CPEB1: variants seen among roughly 807,000 people sequenced by gnomAD.
The protein encoded by CPEB1 is cytoplasmic polyadenylation element-binding protein 1.
A neutral mutation model predicts 65.8 loss-of-function variants in CPEB1; 7 were observed. The ratio of observed to expected loss-of-function variants is 0.11; its 90% CI spans 0.06 to 0.20. The LOEUF (loss-of-function observed/expected upper bound fraction) is 0.20. Ranked by LOEUF, CPEB1 falls within the 10% of genes least tolerant of loss-of-function variation. The pLI is 1.00. For synonymous variants in CPEB1, 262 were observed against 260.0 expected (o/e 1.01, Z -0.08); for missense variants, 551 against 712.2 (o/e 0.77, Z 2.58).
At chr15:82,580,946 G>A (rs538986479) in intron 3 of CPEB1, among the ~76,000 whole-genome samples, 1 of 151,616 alleles carries the variant, frequency 6.6e-6, no homozygotes, top group Admixed American at 6.6e-5. Context: ...CAGCCTCCCA[G>A]GATCAAGCAG....
At chr15:82,589,385 C>G (rs2042042690) in intron 3 of CPEB1, among the ~76,000 whole-genome samples, 1 of 152,202 alleles carries the variant, frequency 6.6e-6, no homozygotes, top group African/African-American at 2.4e-5. Flanking sequence ...AATCACTAAC[C>G]CCTGCCCCCA....
At chr15:82,549,727 G>A (rs2035913549) in intron 9 of CPEB1, 69 bp from the exon 10 acceptor site, 6 of 1,451,644 alleles carry the variant, frequency 4.1e-6, no homozygotes, top group Non-Finnish European at 5.8e-6. Flanking sequence ...TGCACGGCAA[G>A]GTACGTGCTC....
chr15:82,630,832 T>C (rs776474762), intron 1 of CPEB1, among the ~76,000 whole-genome samples: 7 of 151,898 alleles, frequency 4.6e-5, no homozygotes, highest in South Asian at 2.1e-4. Flanking sequence ...GGAGAGAAAA[T>C]TGGAAAAGCC....
intron 4 of CPEB1, among the ~76,000 whole-genome samples, chr15:82,566,388 C>A (rs1451779035): frequency 1.3e-5 from 2 of 152,184 alleles, no homozygotes; most frequent in Non-Finnish European, 2.9e-5. Context: ...TCCCTATCAC[C>A]ATCCTTGGTT....
At chr15:82,567,309 G>T (rs2039298015) in intron 4 of CPEB1, among the ~76,000 whole-genome samples, 1 of 152,140 alleles carries the variant, frequency 6.6e-6, no homozygotes, top group Non-Finnish European at 1.5e-5. Context: ...ACAGCACAGG[G>T]AACATTCCAT....
chr15:82,552,686 G>C, intron 8 of CPEB1, 70 bp from the exon 9 acceptor site: 2 of 1,527,536 alleles, frequency 1.3e-6, no homozygotes, highest in South Asian at 2.3e-5. Context: ...TGGCTTTGCA[G>C]CAGGGCGTTT....
intron 3 of CPEB1, among the ~76,000 whole-genome samples, chr15:82,580,406 A>G (rs1449509391): frequency 6.6e-6 from 1 of 152,166 alleles, no homozygotes; most frequent in Non-Finnish European, 1.5e-5. Flanking sequence ...TTTAAAATAG[A>G]TAATAGGTCT....
intron 3 of CPEB1, among the ~76,000 whole-genome samples, chr15:82,586,397 A>G (rs1384269812): frequency 6.6e-6 from 1 of 152,206 alleles, no homozygotes; most frequent in Non-Finnish European, 1.5e-5. Context: ...AGAATACTCT[A>G]AAAATAATTT....
At chr15:82,634,638 G>A (rs1313340008) in intron 1 of CPEB1, among the ~76,000 whole-genome samples, 2 of 152,146 alleles carry the variant, frequency 1.3e-5, no homozygotes, top group Non-Finnish European at 2.9e-5. Flanking sequence ...TCTAAAACTG[G>A]GGTCCCATGG....
rs746400332 is a variant in CPEB1, at chr15:82,557,769, T to G, written c.678A>C (p.Ser226=). 1 of 1,613,432 alleles carries G rather than the reference T, an allele frequency of 6.2e-7. No individual in the cohort carries two copies. The highest frequency in any genetic ancestry group is 2.2e-5 in the East Asian group (1 of 44,868). ...SGFSSGSDHL[S]DLISSLRISP... is the part of the protein sequence containing the mutation. ...CAAATGAGTTACATACAATCAAATCTGAGAGATGATCTGATCCAGAGCTGA... is the reference window on the plus strand; with the variant it reads ...CAAATGAGTTACATACAATCAAATCGGAGAGATGATCTGATCCAGAGCTGA... Residue 226 remains serine (S), a synonymous_variant, in exon 5 of 13, where the codon TCA becomes TCC. Transcript: ENST00000684509.
At chr15:82,562,360 T>C in intron 4 of CPEB1, 1 of 355,582 alleles carries the variant, frequency 2.8e-6, no homozygotes, top group Admixed American at 3.9e-5. Flanking sequence ...AAAATGCATT[T>C]TGGGTCCCAC....
intron 3 of CPEB1, among the ~76,000 whole-genome samples, chr15:82,622,190 C>T (rs1187449594): frequency 1.3e-5 from 2 of 152,114 alleles, no homozygotes; most frequent in African/African-American, 4.8e-5. Context: ...ACATCCCTGT[C>T]ATCTCCACTA....
intron 3 of CPEB1, among the ~76,000 whole-genome samples, chr15:82,591,668 G>T (rs1196500136): frequency 6.6e-6 from 1 of 151,914 alleles, no homozygotes; most frequent in African/African-American, 2.4e-5. Flanking sequence ...TCCTTTTCAG[G>T]ACACTATCAT....
intron 3 of CPEB1, among the ~76,000 whole-genome samples, chr15:82,606,790 C>G (rs1339178423): frequency 6.7e-5 from 3 of 45,016 alleles, no homozygotes; most frequent in Non-Finnish European, 1.3e-4. Context: ...TGCACTCCAG[C>G]CTGGGCGACA....
chr15:82,621,932 G>C (rs1421832292), intron 3 of CPEB1, among the ~76,000 whole-genome samples: 1 of 152,154 alleles, frequency 6.6e-6, no homozygotes, highest in African/African-American at 2.4e-5. Flanking sequence ...GAATTAATAT[G>C]AAACTGCTCC....
intron 3 of CPEB1, among the ~76,000 whole-genome samples, chr15:82,614,021 C>G (rs1045967350): frequency 6.6e-6 from 1 of 151,982 alleles, no homozygotes; most frequent in Non-Finnish European, 1.5e-5. Flanking sequence ...CTGGGGAAGC[C>G]CACCGGGAGA....
chr15:82,639,304 C>T (rs1481027513), intron 1 of CPEB1, among the ~76,000 whole-genome samples: 1 of 152,244 alleles, frequency 6.6e-6, no homozygotes, highest in Non-Finnish European at 1.5e-5. Flanking sequence ...CTGTACATAC[C>T]GGAGCAACCA....
intron 3 of CPEB1, among the ~76,000 whole-genome samples, chr15:82,607,954 G>C (rs919803338): frequency 6.6e-6 from 1 of 152,166 alleles, no homozygotes; most frequent in Non-Finnish European, 1.5e-5. Flanking sequence ...CTTAGAACCA[G>C]TAAGTTTCCC....
chr15:82,553,694 G>GT (rs11390316), intron 7 of CPEB1, 138 bp from the exon 8 acceptor site: 166,455 of 776,942 alleles, frequency 0.21, 20,480 homozygotes, highest in African/African-American at 0.32. Context: ...CTGATCTCCG[G>GT]TGTAAGCTCC....
Sources: allele counts gnomAD v4.1 joint callset (sites outside exome capture counted in the v4.1 genomes callset), GRCh38; gene constraint gnomAD v4.1.1; transcripts MANE v1.5; gene names NCBI Gene and HGNC (gene_info 2026-07-23, HGNC 2026-07-21).